RORA: variants seen among roughly 807,000 people sequenced by gnomAD.
RORA encodes the protein nuclear receptor ROR-alpha.
Under a neutral mutation model 69.5 loss-of-function variants are expected in RORA, and 7 were observed. That is an observed-to-expected ratio of 0.10 (90% confidence interval 0.06 to 0.19). The LOEUF (loss-of-function observed/expected upper bound fraction) is 0.19. Ranked by LOEUF, RORA falls within the 10% of genes least tolerant of loss-of-function variation. RORA has a pLI of 1.00. For synonymous variants in RORA, 261 were observed against 240.8 expected (o/e 1.08, Z -0.78); for missense variants, 457 against 663.0 (o/e 0.69, Z 3.41).
At chr15:60,947,090 C>G (rs1279230485) in intron 1 of RORA, among the ~76,000 whole-genome samples, 11 of 148,486 alleles carry the variant, frequency 7.4e-5, no homozygotes, top group African/African-American at 2.7e-4. Flanking sequence ...ACCGGCCAGC[C>G]GCCCTGTCCG....
chr15:60,843,121 C>A (rs1595760534), intron 1 of RORA, among the ~76,000 whole-genome samples: 1 of 152,222 alleles, frequency 6.6e-6, no homozygotes, highest in South Asian at 2.1e-4. Flanking sequence ...CTCCCTCCCC[C>A]TGCTGTTCTG....
chr15:61,040,430 T>C (rs185847578), intron 1 of RORA, among the ~76,000 whole-genome samples: 4 of 152,080 alleles, frequency 2.6e-5, no homozygotes, highest in Admixed American at 2.6e-4. Flanking sequence ...ATACCTATTT[T>C]ATCTTCTCGC....
intron 1 of RORA, among the ~76,000 whole-genome samples, chr15:60,850,591 A>G (rs1368477755): frequency 2.6e-5 from 4 of 152,166 alleles, no homozygotes; most frequent in Non-Finnish European, 5.9e-5. Flanking sequence ...GGTGCATGGT[A>G]AGTGCCCAAT....
At chr15:61,119,242 A>G (rs1336675306) in intron 1 of RORA, among the ~76,000 whole-genome samples, 1 of 151,972 alleles carries the variant, frequency 6.6e-6, no homozygotes, top group Non-Finnish European at 1.5e-5. Flanking sequence ...TTTGTCACCC[A>G]GGCTGGAGTA....
intron 1 of RORA, among the ~76,000 whole-genome samples, chr15:61,216,874 G>C (rs528004793): frequency 3.9e-5 from 6 of 152,282 alleles, no homozygotes; most frequent in Admixed American, 2.6e-4. Context: ...CTTGGCCCAG[G>C]TCTGTCTCAC....
Position 60,493,977 on chromosome 15 carries a change from ACACACACACACT to A in RORA, c.*3466_*3477del, listed in dbSNP as rs1395675069. The A allele has an allele frequency of 1.4e-5, 2 of 143,104 alleles. No individual in the cohort carries two copies. Among genetic ancestry groups the A allele is most frequent in the Non-Finnish European group, 3.1e-5 (2 of 64,414 alleles). The allele number at this position is 143,104 out of a possible 1,614,324, so 8.9% of individuals were successfully genotyped here. ...CACACACACACACACACACACACACACACACACACACTCCTTCCTCACCTGACCCTCAGCCCA... is the reference window on the plus strand; with the variant it reads ...CACACACACACACACACACACACACACCTTCCTCACCTGACCCTCAGCCCA... On this transcript the variant is annotated 3_prime_UTR_variant, in exon 11 of 11. Coordinates refer to ENST00000335670, the MANE Select transcript of RORA (RefSeq NM_134261.3).
At chr15:61,185,240 G>A (rs945361356) in intron 1 of RORA, among the ~76,000 whole-genome samples, 1 of 152,060 alleles carries the variant, frequency 6.6e-6, no homozygotes, top group South Asian at 2.1e-4. Flanking sequence ...ATTATCTGCT[G>A]ACACTCTGAT....
chr15:60,702,155 G>C (rs1439637453), intron 1 of RORA, among the ~76,000 whole-genome samples: 1 of 152,160 alleles, frequency 6.6e-6, no homozygotes, highest in East Asian at 1.9e-4. Context: ...CCCTCTCAAA[G>C]CCTCGGCTTT....
chr15:60,836,632 T>C (rs2073119611), intron 1 of RORA, among the ~76,000 whole-genome samples: 1 of 152,130 alleles, frequency 6.6e-6, no homozygotes, highest in Non-Finnish European at 1.5e-5. Flanking sequence ...ACTCCAGACA[T>C]AGCATTGTCA....
At chr15:61,164,805 AAG>A (rs2079526963) in intron 1 of RORA, among the ~76,000 whole-genome samples, 1 of 152,232 alleles carries the variant, frequency 6.6e-6, no homozygotes, top group African/African-American at 2.4e-5. Flanking sequence ...TTGAAAAATT[AAG>A]AGAGGTATGG....
chr15:60,867,482 A>G (rs1301533862), intron 1 of RORA, among the ~76,000 whole-genome samples: 2 of 152,210 alleles, frequency 1.3e-5, no homozygotes, highest in Non-Finnish European at 2.9e-5. Context: ...CGCACACATC[A>G]GGTGTCATAT....
intron 2 of RORA, chr15:60,592,464 C>G (rs558533152): frequency 4.3e-6 from 6 of 1,381,430 alleles, no homozygotes; most frequent in Admixed American, 6.3e-5. Context: ...GGTCCGACCC[C>G]GGAGCCCCCT....
intron 1 of RORA, among the ~76,000 whole-genome samples, chr15:61,014,405 G>A (rs535282540): frequency 6.6e-6 from 1 of 152,350 alleles, no homozygotes; most frequent in Admixed American, 6.5e-5. Context: ...ATCATGCCCA[G>A]ATGATTTTAA....
chr15:61,159,184 G>C (rs2079472301), intron 1 of RORA, among the ~76,000 whole-genome samples: 1 of 152,022 alleles, frequency 6.6e-6, no homozygotes, highest in Non-Finnish European at 1.5e-5. Flanking sequence ...GAATGAAAGG[G>C]GGTTACTTAG....
At chr15:61,143,154 A>T (rs1298173690) in intron 1 of RORA, among the ~76,000 whole-genome samples, 1 of 152,212 alleles carries the variant, frequency 6.6e-6, no homozygotes, top group Admixed American at 6.5e-5. Flanking sequence ...TTATAAAGCT[A>T]GTACACATAA....
At chr15:60,516,154 T>TTATATTATATATATTATATTAA (rs2065920625) in intron 3 of RORA, among the ~76,000 whole-genome samples, 1 of 29,966 alleles carries the variant, frequency 3.3e-5, no homozygotes. Flanking sequence ...TATTTATATA[T>TTATATTATATATATTATATTAA]ATATATTTAT....
At chr15:60,881,353 C>A (rs2140447437) in intron 1 of RORA, among the ~76,000 whole-genome samples, 1 of 152,348 alleles carries the variant, frequency 6.6e-6, no homozygotes, top group South Asian at 2.1e-4. Context: ...CACCTCTGAC[C>A]AGCCCTGCTG....
chr15:60,686,513 T>C (rs1174364905), intron 1 of RORA, among the ~76,000 whole-genome samples: 2 of 152,226 alleles, frequency 1.3e-5, no homozygotes, highest in Admixed American at 6.5e-5. Flanking sequence ...ACCTGGTTGA[T>C]TTAAATTTGA....
intron 1 of RORA, among the ~76,000 whole-genome samples, chr15:60,957,459 C>T (rs1893301728): frequency 6.6e-6 from 1 of 152,210 alleles, no homozygotes; most frequent in Admixed American, 6.5e-5. Context: ...ACAACACGTA[C>T]CTCCTCAAAC....
Sources: gnomAD v4.1 joint callset for allele counts (sites outside exome capture counted in the v4.1 genomes callset) on GRCh38, gnomAD v4.1.1 for gene constraint, MANE v1.5 for transcripts, NCBI Gene and HGNC (gene_info 2026-07-23, HGNC 2026-07-21) for gene names.